Variants in LRRC7 observed in about 807,000 individuals in gnomAD.
The protein encoded by LRRC7 is leucine rich repeat containing 7, also known as leucine-rich repeat-containing protein 7.
Under a neutral mutation model 175.7 loss-of-function variants are expected in LRRC7, and 23 were observed. The ratio of observed to expected loss-of-function variants is 0.13; its 90% confidence interval spans 0.09 to 0.19. The LOEUF (loss-of-function observed/expected upper bound fraction) is 0.19. Among genes scored for constraint, LRRC7 ranks in the 10% least tolerant of loss-of-function variants. The pLI is 1.00. For synonymous variants in LRRC7, 685 were observed against 680.9 expected, an observed-to-expected ratio of 1.01 and a Z score of -0.09; for missense variants, 1,354 against 1,904.7, an observed-to-expected ratio of 0.71 and a Z score of 5.38.
intron 4 of LRRC7, among the ~76,000 whole-genome samples, chr1:69,793,889 G>T (rs1290607680): frequency 6.6e-6 from 1 of 151,900 alleles, no homozygotes; most frequent in African/African-American, 2.4e-5. Flanking sequence ...AGTGTGAAGT[G>T]CTAGTGATTT....
intron 4 of LRRC7, among the ~76,000 whole-genome samples, chr1:69,819,047 C>A (rs527907068): frequency 3.3e-5 from 5 of 151,962 alleles, no homozygotes; most frequent in Non-Finnish European, 7.4e-5. Context: ...ATTCTAGTTT[C>A]ATTGATCTTT....
intron 3 of LRRC7, among the ~76,000 whole-genome samples, chr1:69,760,875 A>C (rs1487360642): frequency 2.0e-5 from 3 of 152,032 alleles, no homozygotes. Flanking sequence ...AAAATATTTG[A>C]TTATTACAAG....
intron 7 of LRRC7, among the ~76,000 whole-genome samples, chr1:69,897,885 G>A (rs557634363): frequency 6.6e-6 from 1 of 152,224 alleles, no homozygotes; most frequent in African/African-American, 2.4e-5. Context: ...GCAAATGGGA[G>A]TTGAAAGAGA....
intron 5 of LRRC7, among the ~76,000 whole-genome samples, chr1:69,832,073 C>T (rs959321399): frequency 4.6e-5 from 7 of 151,868 alleles, no homozygotes; most frequent in Non-Finnish European, 4.4e-5. Flanking sequence ...CAGAAGCAGA[C>T]GTTTAGAAAA....
chr1:70,016,250 T>A (rs1656954222), intron 13 of LRRC7, among the ~76,000 whole-genome samples: 1 of 152,166 alleles, frequency 6.6e-6, no homozygotes, highest in African/African-American at 2.4e-5. Context: ...ACCATACATG[T>A]TAAACATTTT....
chr1:70,090,578 C>T (rs778264504), intron 25 of LRRC7, among the ~76,000 whole-genome samples: 2 of 152,060 alleles, frequency 1.3e-5, no homozygotes, highest in Non-Finnish European at 1.5e-5. Flanking sequence ...TTAATACTCT[C>T]AGCTTTGAAT....
chr1:70,132,083 G>A lies in LRRC7; in HGVS notation c.*10196G>A, dbSNP rs1260684636. On this transcript the variant is annotated 3_prime_UTR_variant, in exon 27 of 27. Coordinates refer to ENST00000651989, the MANE Select transcript of LRRC7 (RefSeq NM_001370785.2). ...GAGGACTGATACAGAGAATCAGAGA[G>A]GAACTGGATAAAAGAAATCAGATTC... is the stretch of plus-strand genomic sequence containing the variant. 1 of 152,156 alleles carries A rather than the reference G, an allele frequency of 6.6e-6. No individual in the cohort carries two copies. Among genetic ancestry groups the A allele is most frequent in the Non-Finnish European group, 1.5e-5 (1 of 68,040 alleles). 9.4% of individuals were successfully genotyped at this position (152,156 alleles called of 1,614,324 possible). A position where few individuals can be genotyped will look rare whatever the true frequency, so the allele number is the denominator to read the frequency against.
chr1:70,110,705 C>A (rs765450598), intron 26 of LRRC7, among the ~76,000 whole-genome samples: 20 of 151,916 alleles, frequency 1.3e-4, no homozygotes, highest in Non-Finnish European at 2.4e-4. Flanking sequence ...AAATCAAAGC[C>A]CATTTTCAAT....
intron 2 of LRRC7, among the ~76,000 whole-genome samples, chr1:69,695,328 A>G (rs1662431641): frequency 6.6e-6 from 1 of 152,230 alleles, no homozygotes; most frequent in African/African-American, 2.4e-5. Context: ...GCAGAAAAAC[A>G]TTCAAAATGT....
intron 1 of LRRC7, among the ~76,000 whole-genome samples, chr1:69,669,779 G>C (rs1318512779): frequency 6.6e-6 from 1 of 151,684 alleles, no homozygotes; most frequent in Non-Finnish European, 1.5e-5. Context: ...TGTCTTCTCT[G>C]ACTGCATATG....
At chr1:69,665,964 A>G (rs1414414940) in intron 1 of LRRC7, among the ~76,000 whole-genome samples, 1 of 152,070 alleles carries the variant, frequency 6.6e-6, no homozygotes, top group Non-Finnish European at 1.5e-5. Context: ...TGGATCTGTC[A>G]TAGGTGGCTT....
chr1:69,786,183 C>T (rs1179521366), intron 3 of LRRC7, among the ~76,000 whole-genome samples: 1 of 152,018 alleles, frequency 6.6e-6, no homozygotes, highest in African/African-American at 2.4e-5. Flanking sequence ...TATGCTTCTA[C>T]CTGGCACTTG....
chr1:69,795,412 A>G (rs1467727921), intron 4 of LRRC7, among the ~76,000 whole-genome samples: 1 of 151,952 alleles, frequency 6.6e-6, no homozygotes. Flanking sequence ...TCTGTGACAG[A>G]AAACTAGACA....
rs1667125340 is a variant in LRRC7 at position 70,142,935 on chromosome 1, T to C, written c.*21048T>C. 1 of 152,092 alleles carries C rather than the reference T, an allele frequency of 6.6e-6. No homozygotes were observed. The allele number at this position is 152,092 out of a possible 1,614,324, so 9.4% of individuals were successfully genotyped here. A position where few individuals can be genotyped will look rare whatever the true frequency, so the allele number is the denominator to read the frequency against. On this transcript the variant is annotated 3_prime_UTR_variant, in exon 27 of 27. Coordinates refer to ENST00000651989, the MANE Select transcript of LRRC7 (RefSeq NM_001370785.2). Reference sequence around the variant, plus strand: ...AGTATCTATGAAAATTATTTTTTCCTAAACGATTTCATAATTGATTACTTT... The same window carrying C: ...AGTATCTATGAAAATTATTTTTTCCCAAACGATTTCATAATTGATTACTTT...
intron 2 of LRRC7, among the ~76,000 whole-genome samples, chr1:69,718,138 GAGAGAGAA>G (rs1346532987): frequency 2.0e-4 from 8 of 40,972 alleles, no homozygotes; most frequent in Non-Finnish European, 2.9e-4. Context: ...AAGAAAGAAA[GAGAGAGAA>G]AGAAAGAAAG....
At position 69,612,982 on chromosome 1, in the gene LRRC7, T is replaced by A. The variant is rs146638006; in HGVS notation, c.2+44341T>A. Among the ~76,000 whole-genome samples the A allele has an allele frequency of 9.5e-4, 144 of 152,190 alleles. 1 individual carries two copies. The highest frequency in any genetic ancestry group is 3.3e-3 in the South Asian group (16 of 4,826). ...AAATTCAGGTTCTCTATGTGCCATA[T>A]TTTTTCTCACTCCTTCACTTTTTTA... On this transcript the variant is annotated intron_variant, in intron 1 of 26. Transcript: ENST00000651989.
chr1:70,109,718 CT>C (rs1007082271), intron 26 of LRRC7, among the ~76,000 whole-genome samples: 4 of 152,152 alleles, frequency 2.6e-5, no homozygotes, highest in African/African-American at 9.7e-5. Context: ...AAAAATTCAA[CT>C]CTTTGAAAAT....
At position 70,129,267 on chromosome 1, in the gene LRRC7, C is replaced by T. The variant is rs1196045045; in HGVS notation, c.*7380C>T. Among the ~76,000 whole-genome samples, 1 of 150,020 alleles carries T rather than the reference C, an allele frequency of 6.7e-6. No homozygotes were observed. The highest frequency in any genetic ancestry group is 2.5e-5 in the African/African-American group (1 of 40,794). On this transcript the variant is annotated 3_prime_UTR_variant, in exon 27 of 27. Transcript: ENST00000651989. ...ATCTTAAAAAAAAAAAAAAAAGTGT[C>T]ACGAAAAGTGTGAGCTAGATGAATA...
At position 70,029,984 on chromosome 1, in the gene LRRC7, T is replaced by C. The variant is rs1320418795; in HGVS notation, c.1995+1613T>C. Among the ~76,000 whole-genome samples the C allele has an allele frequency of 2.0e-5, 3 of 152,300 alleles. 1 individual carries two copies. The East Asian group carries it at 5.8e-4, about 29-fold the overall frequency. On this transcript the variant is annotated intron_variant, in intron 18 of 26. Coordinates refer to ENST00000651989, the MANE Select transcript of LRRC7 (RefSeq NM_001370785.2). ...ACCATTATCCTCCATTTCATTCAAG[T>C]AGAAATTCGAGAGATGTCCTGATTT...
Sources: gnomAD v4.1 joint callset for allele counts (sites outside exome capture counted in the v4.1 genomes callset) on GRCh38, gnomAD v4.1.1 for gene constraint, MANE v1.5 for transcripts, NCBI Gene and HGNC (gene_info 2026-07-23, HGNC 2026-07-21) for gene names.